Variants in PRIM2 observed in about 807,000 individuals in gnomAD.
The protein encoded by PRIM2 is DNA primase large subunit.
Under a neutral mutation model 67.3 loss-of-function variants are expected in PRIM2, and 39 were observed. The observed-to-expected ratio is 0.58, with a 90% CI of 0.45 to 0.76. The LOEUF (loss-of-function observed/expected upper bound fraction) is 0.76, where lower values mean the gene tolerates loss of function less well. Ranked by LOEUF, PRIM2 falls within the 30% of genes least tolerant of loss-of-function variation. The probability of loss-of-function intolerance (pLI) is 0.00; values close to 1 mark genes in which losing one functional copy is unlikely to be tolerated. For missense variants in PRIM2, 398 were observed against 598.7 expected (o/e 0.66, Z 3.50); for synonymous variants, 143 against 198.7 (o/e 0.72, Z 2.36).
chr6:57,222,617 A>G, the PRIM2 span, among the ~76,000 whole-genome samples: 66 of 152,358 alleles, frequency 4.3e-4, 1 homozygote, highest in East Asian at 0.013. Flanking sequence ...CCAAGTGAGC[A>G]AAAAAATGTC....
intron 10 of PRIM2, among the ~76,000 whole-genome samples, chr6:57,541,836 A>T (rs1398818512): frequency 3.8e-4 from 58 of 152,154 alleles, no homozygotes; most frequent in Non-Finnish European, 6.3e-4. Flanking sequence ...AGGTAGGGCA[A>T]TCTGCTTTAC....
chr6:57,463,396 C>G (rs1773074161), intron 7 of PRIM2, among the ~76,000 whole-genome samples: 2 of 152,222 alleles, frequency 1.3e-5, no homozygotes, highest in East Asian at 1.9e-4. Context: ...GGTGGCTGAG[C>G]TGGGAGGATC....
At chr6:57,353,748 T>C (rs1768933300) in intron 5 of PRIM2, among the ~76,000 whole-genome samples, 1 of 152,194 alleles carries the variant, frequency 6.6e-6, no homozygotes, top group Non-Finnish European at 1.5e-5. Context: ...AGGGGCTGTC[T>C]CCAAGACCAT....
At chr6:57,273,770 G>A in the PRIM2 span, among the ~76,000 whole-genome samples, 3 of 152,186 alleles carry the variant, frequency 2.0e-5, no homozygotes, top group East Asian at 5.8e-4. Context: ...ATCTACCTTT[G>A]GTCTTTGATC....
intron 5 of PRIM2, among the ~76,000 whole-genome samples, chr6:57,349,169 T>TC (rs1768778384): frequency 6.6e-6 from 1 of 152,130 alleles, no homozygotes; most frequent in Admixed American, 6.5e-5. Context: ...AAAATATTTT[T>TC]CCCCCATATT....
rs1554345928 is a variant in PRIM2, at chr6:57,491,106, A to T, written c.694-16281A>T. Among the ~76,000 whole-genome samples the T allele has an allele frequency of 5.0e-3, 764 of 152,334 alleles. 9 individuals carry two copies. The highest frequency in any genetic ancestry group is 0.017 in the African/African-American group (725 of 41,558). On this transcript the variant is annotated intron_variant, in intron 7 of 13. Coordinates refer to ENST00000615550, the MANE Select transcript of PRIM2 (RefSeq NM_000947.5). ...CAAAGGGCTAAAAGAGTATCATGAA[A>T]GAAAGACAAGAAAAACCCATATCCT...
intron 7 of PRIM2, among the ~76,000 whole-genome samples, chr6:57,482,818 A>C (rs2127406285): frequency 6.6e-6 from 1 of 152,326 alleles, no homozygotes; most frequent in South Asian, 2.1e-4. Flanking sequence ...TCAAGAGGGA[A>C]GTAAAAAGTC....
the PRIM2 span, among the ~76,000 whole-genome samples, chr6:57,240,092 T>TG: frequency 2.3e-4 from 1 of 4,310 alleles, no homozygotes; most frequent in African/African-American, 1.1e-3. Context: ...CAATAATCTG[T>TG]TTTTTTTTTT....
At chr6:57,583,428 T>C (rs1156669466) in intron 10 of PRIM2, among the ~76,000 whole-genome samples, 1 of 149,820 alleles carries the variant, frequency 6.7e-6, no homozygotes, top group Non-Finnish European at 1.5e-5. Flanking sequence ...AATATGCGGT[T>C]TGTTTTTTGT....
intron 5 of PRIM2, among the ~76,000 whole-genome samples, chr6:57,375,790 GT>G: frequency 6.6e-6 from 1 of 151,260 alleles, no homozygotes; most frequent in Non-Finnish European, 1.5e-5. Context: ...ATTTTTTTTA[GT>G]TTGGGTATAA....
intron 8 of PRIM2, among the ~76,000 whole-genome samples, chr6:57,508,959 A>G (rs1173211049): frequency 6.6e-6 from 1 of 152,222 alleles, no homozygotes; most frequent in Non-Finnish European, 1.5e-5. Flanking sequence ...TCAAGCACCA[A>G]TAGTGTTTTC....
At chr6:57,642,095 G>A (rs1265665598) in intron 13 of PRIM2, among the ~76,000 whole-genome samples, 2 of 152,298 alleles carry the variant, frequency 1.3e-5, no homozygotes, top group African/African-American at 4.8e-5. Context: ...CATGGATGAA[G>A]CTGGAAACCA....
chr6:57,360,827 A>T (rs1164194413), intron 5 of PRIM2, among the ~76,000 whole-genome samples: 4 of 152,220 alleles, frequency 2.6e-5, no homozygotes, highest in Non-Finnish European at 5.9e-5. Flanking sequence ...TAACACTAGC[A>T]GTAGCAAGCA....
Position 57,320,579 on chromosome 6 carries a change from A to C in PRIM2, c.258+19A>C. Reference sequence around the variant, plus strand: ...CTACAGAGTAAGTAAAAAAGGAAAAAAAAGTTCCTTCAGTTTCTATGCATT... The same window carrying C: ...CTACAGAGTAAGTAAAAAAGGAAAACAAAGTTCCTTCAGTTTCTATGCATT... On this transcript the variant is annotated intron_variant, in intron 3 of 13. Transcript: ENST00000615550. 6.6e-7 allele frequency: 1 copy of C among 1,514,600 alleles called. No individual in the cohort carries two copies. Among genetic ancestry groups the C allele is most frequent in the Middle Eastern group, 1.7e-4 (1 of 5,806 alleles). 93.8% of individuals were successfully genotyped at this position (1,514,600 alleles called of 1,614,324 possible). A position where few individuals can be genotyped will look rare whatever the true frequency, so the allele number is the denominator to read the frequency against.
chr6:57,621,368 G>T (rs1257558873), intron 12 of PRIM2, among the ~76,000 whole-genome samples: 32 of 152,226 alleles, frequency 2.1e-4, no homozygotes, highest in African/African-American at 7.2e-4. Flanking sequence ...ATGTCTTAAA[G>T]GTTCCGCCTC....
intron 5 of PRIM2, among the ~76,000 whole-genome samples, chr6:57,339,226 A>T (rs1055628642): frequency 6.6e-6 from 1 of 152,226 alleles, no homozygotes; most frequent in Non-Finnish European, 1.5e-5. Context: ...AAATGGAAGA[A>T]CATTCCATGC....
intron 7 of PRIM2, among the ~76,000 whole-genome samples, chr6:57,461,679 A>G (rs1206377617): frequency 6.6e-6 from 1 of 152,154 alleles, no homozygotes; most frequent in Admixed American, 6.6e-5. Context: ...AACTCCAGAA[A>G]GGGTTTTTAT....
chr6:57,488,775 A>C (rs1346653334), intron 7 of PRIM2, among the ~76,000 whole-genome samples: 1 of 152,230 alleles, frequency 6.6e-6, no homozygotes, highest in Non-Finnish European at 1.5e-5. Flanking sequence ...AGTCAGCTTC[A>C]GTAGTGAGTT....
intron 7 of PRIM2, among the ~76,000 whole-genome samples, chr6:57,426,699 A>G (rs62401683): frequency 1.3e-5 from 2 of 152,254 alleles, no homozygotes; most frequent in Admixed American, 6.5e-5. Flanking sequence ...ATGATTATTC[A>G]TAGCAGCTTT....
Sources: allele counts gnomAD v4.1 joint callset (sites outside exome capture counted in the v4.1 genomes callset), GRCh38; gene constraint gnomAD v4.1.1; transcripts MANE v1.5; gene names NCBI Gene and HGNC (gene_info 2026-07-23, HGNC 2026-07-21).